AK8: variants seen among roughly 807,000 people sequenced by gnomAD.
The protein encoded by AK8 is ATP-AMP transphosphorylase 8.
A neutral mutation model predicts 54.6 loss-of-function variants in AK8; 44 were observed. The observed-to-expected ratio is 0.81, with a 90% CI of 0.63 to 1.04. The LOEUF is 1.04. Ranked by LOEUF, AK8 falls within the 50% of genes least tolerant of loss-of-function variation. The pLI, the probability that AK8 is intolerant of heterozygous loss-of-function variation, is 0.00. For synonymous variants in AK8, 239 were observed against 245.6 expected, an observed-to-expected ratio of 0.97 and a Z score of 0.25; for missense variants, 555 against 613.6, an observed-to-expected ratio of 0.90 and a Z score of 1.01.
Position 132,799,645 on chromosome 9 carries a change from C to A in AK8, c.980-6870G>T, listed in dbSNP as rs140496295. On this transcript the variant is annotated intron_variant, in intron 10 of 12. Coordinates refer to ENST00000298545, the MANE Select transcript of AK8 (RefSeq NM_152572.3). This position sits in a 1 kb window ranked among gnomAD's most constrained non-coding sequence, Gnocchi z 5.0. ...ACCCCCACACCCCTACACCCCACCA[C>A]GTGCACAACACATACTGTATACCCA... Among the ~76,000 whole-genome samples, 546 of 152,058 alleles carry A rather than the reference C, an allele frequency of 3.6e-3. 9 individuals are homozygous for A. The highest frequency in any genetic ancestry group is 0.012 in the African/African-American group (487 of 41,472).
intron 10 of AK8, among the ~76,000 whole-genome samples, chr9:132,814,015 C>T (rs999547056): frequency 6.6e-6 from 1 of 151,912 alleles, no homozygotes; most frequent in Admixed American, 6.6e-5. Context: ...TGGTGGCTTA[C>T]ACCTGTAATC....
intron 11 of AK8, among the ~76,000 whole-genome samples, chr9:132,748,841 G>C (rs1398797827): frequency 6.6e-6 from 1 of 151,904 alleles, no homozygotes; most frequent in Non-Finnish European, 1.5e-5. Context: ...TTCTTGGATG[G>C]ATAATTTTTC....
intron 10 of AK8, 151 bp from the exon 11 acceptor site, chr9:132,792,926 A>G: frequency 1.0e-6 from 1 of 984,296 alleles, no homozygotes; most frequent in Non-Finnish European, 1.4e-6. Context: ...GTCAGTGCCT[A>G]TTTCCCAGGT....
At chr9:132,827,670 G>T (rs1390902706) in intron 7 of AK8, among the ~76,000 whole-genome samples, 1 of 152,182 alleles carries the variant, frequency 6.6e-6, no homozygotes. Flanking sequence ...AAAGAATAAG[G>T]GGTGTCAAGG....
intron 12 of AK8, 100 bp from the exon 13 acceptor site, chr9:132,726,025 G>A: frequency 1.0e-6 from 1 of 990,566 alleles, no homozygotes; most frequent in Non-Finnish European, 1.5e-6. Context: ...GGGTGTCCTG[G>A]CCACCACCAC....
chr9:132,734,217 A>G (rs1444704806), intron 11 of AK8, among the ~76,000 whole-genome samples: 1 of 152,132 alleles, frequency 6.6e-6, no homozygotes, highest in Non-Finnish European at 1.5e-5. Context: ...CCCAAGAGCT[A>G]CTGAACCAAA....
intron 8 of AK8, among the ~76,000 whole-genome samples, chr9:132,824,763 TAGAGA>T (rs1273150247): frequency 6.6e-6 from 1 of 152,196 alleles, no homozygotes; most frequent in East Asian, 1.9e-4. Flanking sequence ...GAAGGGTCAT[TAGAGA>T]TGCACAGTCC....
At chr9:132,765,149 T>C (rs1185427901) in intron 11 of AK8, among the ~76,000 whole-genome samples, 2 of 151,898 alleles carry the variant, frequency 1.3e-5, no homozygotes, top group Non-Finnish European at 2.9e-5. Flanking sequence ...AAAAATTAGC[T>C]GGGCGTGGTG....
At chr9:132,873,911 A>G (rs1340030145) in intron 2 of AK8, among the ~76,000 whole-genome samples, 3 of 152,218 alleles carry the variant, frequency 2.0e-5, no homozygotes, top group Non-Finnish European at 4.4e-5. Context: ...ACCATGTAAT[A>G]AACAGCCAAC....
At chr9:132,800,700 C>T (rs1336434857) in intron 10 of AK8, among the ~76,000 whole-genome samples, 1 of 152,194 alleles carries the variant, frequency 6.6e-6, no homozygotes, top group Non-Finnish European at 1.5e-5. Context: ...GATTTTCTTT[C>T]AAGACCAGAG....
intron 9 of AK8, among the ~76,000 whole-genome samples, chr9:132,822,321 G>C (rs1841678913): frequency 6.8e-6 from 1 of 147,832 alleles, no homozygotes; most frequent in Non-Finnish European, 1.5e-5. Context: ...ATATGTGTAT[G>C]TATATACAAA....
chr9:132,815,465 A>G (rs1841284206), intron 9 of AK8, among the ~76,000 whole-genome samples: 1 of 152,170 alleles, frequency 6.6e-6, no homozygotes, highest in Non-Finnish European at 1.5e-5. Context: ...AGGCAGGAGA[A>G]TCACTTGAAC....
intron 10 of AK8, among the ~76,000 whole-genome samples, chr9:132,805,080 C>T (rs215164): frequency 0.28 from 42,935 of 152,104 alleles, 6,220 homozygotes; most frequent in East Asian, 0.49. Flanking sequence ...AGAGACCTCC[C>T]GACTGGAGAA....
At chr9:132,847,895 G>A (rs1328842239) in intron 5 of AK8, among the ~76,000 whole-genome samples, 1 of 151,672 alleles carries the variant, frequency 6.6e-6, no homozygotes, top group African/African-American at 2.4e-5. Flanking sequence ...CAGGAGGATC[G>A]TTTCAGCCCA....
intron 11 of AK8, among the ~76,000 whole-genome samples, chr9:132,736,691 A>C (rs1290805424): frequency 5.3e-5 from 8 of 150,116 alleles, no homozygotes; most frequent in Admixed American, 5.3e-4. Context: ...AGGCTGAAGC[A>C]GGAGAATGGC....
chr9:132,833,714 C>G (rs976071986), intron 5 of AK8, among the ~76,000 whole-genome samples: 3 of 152,066 alleles, frequency 2.0e-5, no homozygotes, highest in African/African-American at 7.2e-5. Flanking sequence ...GAGCAGATGT[C>G]ACAGATGAAA....
At chr9:132,762,110 T>A (rs549880476) in intron 11 of AK8, among the ~76,000 whole-genome samples, 5 of 152,312 alleles carry the variant, frequency 3.3e-5, no homozygotes, top group African/African-American at 1.2e-4. Flanking sequence ...CCATAAGTGA[T>A]CTGCCCACCT....
chr9:132,738,719 A>G (rs2130965373), intron 11 of AK8, among the ~76,000 whole-genome samples: 1 of 148,386 alleles, frequency 6.7e-6, no homozygotes, highest in East Asian at 2.0e-4. Context: ...GGTGGACACT[A>G]TTACAACAAA....
At chr9:132,802,771 C>T (rs561601196) in intron 10 of AK8, among the ~76,000 whole-genome samples, 6 of 152,342 alleles carry the variant, frequency 3.9e-5, no homozygotes, top group African/African-American at 1.2e-4. Context: ...CAGTTCAAGG[C>T]ATCCCACCTA....
Sources: gnomAD v4.1 joint callset for allele counts (sites outside exome capture counted in the v4.1 genomes callset) on GRCh38, gnomAD v4.1.1 for gene constraint, Gnocchi (gnomAD v3.1) non-coding constraint, MANE v1.5 for transcripts, NCBI Gene and HGNC (gene_info 2026-07-23, HGNC 2026-07-21) for gene names.